Variants in RARB observed in about 807,000 individuals in gnomAD.
RARB encodes the protein HBV-activated protein.
Under a neutral mutation model 51.9 loss-of-function variants are expected in RARB, and 17 were observed. That is an observed-to-expected ratio of 0.33 (90% CI 0.22 to 0.49). The LOEUF (loss-of-function observed/expected upper bound fraction) is 0.49, where lower values mean the gene tolerates loss of function less well. Among genes scored for constraint, RARB ranks in the 20% least tolerant of loss-of-function variants. The probability of loss-of-function intolerance (pLI) is 0.99; values close to 1 mark genes in which losing one functional copy is unlikely to be tolerated. For synonymous variants in RARB, 215 were observed against 195.4 expected (o/e 1.10, Z -0.84); for missense variants, 369 against 550.8 (o/e 0.67, Z 3.30).
chr3:25,146,159 T>A lies in RARB; in HGVS notation c.-280+13951T>A, dbSNP rs141868235. ...CCTCTCAGATATTTGGTTTTCTTCT[T>A]GGTAAAATGAAGATTAAGGAGCTAA... On this transcript the variant is annotated intron_variant, in intron 4 of 11. Transcript: ENST00000383772. 1.3e-3 allele frequency among the ~76,000 whole-genome samples: 203 copies of A among 152,316 alleles called. 1 individual carries two copies. Among genetic ancestry groups the A allele is most frequent in the African/African-American group, 4.6e-3 (190 of 41,574 alleles).
At chr3:25,329,060 G>A (rs771732566) in intron 5 of RARB, among the ~76,000 whole-genome samples, 2 of 152,204 alleles carry the variant, frequency 1.3e-5, no homozygotes, top group African/African-American at 4.8e-5. Flanking sequence ...TGCAGCTCAA[G>A]GAGGCCTGCC....
At chr3:25,182,793 T>C (rs183329038) in intron 5 of RARB, among the ~76,000 whole-genome samples, 5 of 152,324 alleles carry the variant, frequency 3.3e-5, no homozygotes, top group South Asian at 2.1e-4. Context: ...CCTGTGAACA[T>C]AGCCTTATTT....
At chr3:25,053,176 C>G (rs1698371005) in intron 2 of RARB, among the ~76,000 whole-genome samples, 1 of 152,138 alleles carries the variant, frequency 6.6e-6, no homozygotes, top group Admixed American at 6.6e-5. Context: ...TAAATAGCAG[C>G]ACCCCTGGAC....
intron 4 of RARB, among the ~76,000 whole-genome samples, chr3:25,161,918 G>A (rs1167252687): frequency 6.6e-6 from 1 of 152,040 alleles, no homozygotes; most frequent in Non-Finnish European, 1.5e-5. Flanking sequence ...GAGGCTGCAT[G>A]GTACCCATAG....
intron 2 of RARB, among the ~76,000 whole-genome samples, chr3:24,953,085 T>G (rs1695935729): frequency 1.3e-5 from 2 of 152,128 alleles, no homozygotes; most frequent in African/African-American, 4.8e-5. Flanking sequence ...TAGGGAGAGC[T>G]AGTAGAGAGC....
intron 2 of RARB, among the ~76,000 whole-genome samples, chr3:24,984,821 G>T (rs1696753144): frequency 6.6e-6 from 1 of 152,156 alleles, no homozygotes; most frequent in Non-Finnish European, 1.5e-5. Flanking sequence ...CTGTGTATAT[G>T]TACAGCAAAA....
chr3:25,114,919 T>C (rs918050772), intron 3 of RARB, among the ~76,000 whole-genome samples: 7 of 152,208 alleles, frequency 4.6e-5, no homozygotes, highest in African/African-American at 1.7e-4. Context: ...AAAATAATTT[T>C]GGAAGTGTTG....
intron 2 of RARB, among the ~76,000 whole-genome samples, chr3:24,944,926 G>A (rs1313160030): frequency 6.6e-6 from 1 of 152,152 alleles, no homozygotes; most frequent in Non-Finnish European, 1.5e-5. Context: ...TAAGGGTTTG[G>A]AGGAGCTTAA....
intron 2 of RARB, among the ~76,000 whole-genome samples, chr3:25,016,975 C>G (rs1442447092): frequency 6.6e-6 from 1 of 152,102 alleles, no homozygotes; most frequent in African/African-American, 2.4e-5. Context: ...TTCTTCCAAC[C>G]TGGCCTTAGA....
chr3:25,102,393 TAGTC>T (rs1271573399), intron 3 of RARB, among the ~76,000 whole-genome samples: 4 of 151,170 alleles, frequency 2.6e-5, no homozygotes, highest in Admixed American at 6.6e-5. Context: ...ATACAAAAAT[TAGTC>T]AGGCATGGTG....
At chr3:25,255,937 T>G (rs918164918) in intron 5 of RARB, among the ~76,000 whole-genome samples, 1 of 152,200 alleles carries the variant, frequency 6.6e-6, no homozygotes, top group Non-Finnish European at 1.5e-5. Flanking sequence ...ACAGGTTTAC[T>G]GATTTTTCAG....
chr3:25,201,314 C>T (rs1307695634), intron 5 of RARB, among the ~76,000 whole-genome samples: 1 of 152,292 alleles, frequency 6.6e-6, no homozygotes, highest in East Asian at 1.9e-4. Context: ...TGCTTATCAG[C>T]TTAAGGCGAT....
chr3:24,873,517 T>C (rs1702984941), intron 2 of RARB, among the ~76,000 whole-genome samples: 1 of 152,068 alleles, frequency 6.6e-6, no homozygotes, highest in African/African-American at 2.4e-5. Flanking sequence ...GTGTTTTTCT[T>C]TTTTAGTCTT....
intron 2 of RARB, among the ~76,000 whole-genome samples, chr3:24,961,841 A>C (rs1317970514): frequency 1.3e-5 from 2 of 152,164 alleles, no homozygotes; most frequent in African/African-American, 4.8e-5. Context: ...TGTCTATAAA[A>C]ACAAAGCATT....
chr3:25,122,796 C>G (rs1699805862), intron 3 of RARB, among the ~76,000 whole-genome samples: 1 of 152,066 alleles, frequency 6.6e-6, no homozygotes, highest in African/African-American at 2.4e-5. Context: ...GCAGTCCACC[C>G]CTCTAACCAC....
At chr3:24,967,689 CA>C (rs1696305715) in intron 2 of RARB, among the ~76,000 whole-genome samples, 1 of 152,072 alleles carries the variant, frequency 6.6e-6, no homozygotes, top group Non-Finnish European at 1.5e-5. Context: ...TCAAAGTTTC[CA>C]AAATGAATAA....
chr3:25,487,202 A>G (rs1696516317), intron 2 of RARB, among the ~76,000 whole-genome samples: 1 of 152,150 alleles, frequency 6.6e-6, no homozygotes. Flanking sequence ...CACATTACAG[A>G]CGTAAATAGC....
chr3:25,264,435 A>T (rs1703078966), intron 5 of RARB, among the ~76,000 whole-genome samples: 1 of 152,204 alleles, frequency 6.6e-6, no homozygotes, highest in Non-Finnish European at 1.5e-5. Context: ...ACTTGAATTC[A>T]GTGAATTTGG....
chr3:25,085,217 A>T (rs62230266), intron 3 of RARB, among the ~76,000 whole-genome samples: 5,390 of 152,314 alleles, frequency 0.035, 126 homozygotes, highest in Middle Eastern at 0.071. Context: ...TATTCAAAAT[A>T]TGAAAATAGA....
Sources: gnomAD v4.1 joint callset for allele counts (sites outside exome capture counted in the v4.1 genomes callset) on GRCh38, gnomAD v4.1.1 for gene constraint, MANE v1.5 for transcripts, NCBI Gene and HGNC (gene_info 2026-07-23, HGNC 2026-07-21) for gene names.